The following MRNIP variants were observed in gnomAD, a reference collection of about 807,000 sequenced individuals.
The protein encoded by MRNIP is MRN complex interacting protein.
Under a neutral mutation model 29.8 loss-of-function variants are expected in MRNIP, and 30 were observed. The ratio of observed to expected loss-of-function variants is 1.01; its 90% CI spans 0.75 to 1.36. The LOEUF is 1.36. Among genes scored for constraint, MRNIP ranks in the 40% most tolerant of loss-of-function variants. The probability of loss-of-function intolerance (pLI) is 0.00; values close to 1 mark genes in which losing one functional copy is unlikely to be tolerated. For synonymous variants in MRNIP, 201 were observed against 164.1 expected (o/e 1.23, Z -1.72); for missense variants, 459 against 423.5 (o/e 1.08, Z -0.74).
intron 4 of MRNIP, among the ~76,000 whole-genome samples, chr5:179,843,061 G>GGAA (rs1758977818): frequency 7.1e-6 from 1 of 141,654 alleles, no homozygotes; most frequent in Non-Finnish European, 1.6e-5. Flanking sequence ...AAGGAAGGAA[G>GGAA]GGAGGGAGGG....
chr5:179,842,189 C>T (rs1758909581), intron 4 of MRNIP, 125 bp from the exon 5 acceptor site: 1 of 952,050 alleles, frequency 1.1e-6, no homozygotes, highest in East Asian at 2.4e-5. Flanking sequence ...CTAGGAAAGG[C>T]ACCGGCTGGA....
At chr5:179,856,711 G>C (rs1759597256) in intron 1 of MRNIP, among the ~76,000 whole-genome samples, 1 of 152,224 alleles carries the variant, frequency 6.6e-6, no homozygotes, top group Non-Finnish European at 1.5e-5. Flanking sequence ...GAGCTCAAGT[G>C]ATCTGCCCTA....
At chr5:179,858,360 C>G (rs1346461796) in intron 1 of MRNIP, among the ~76,000 whole-genome samples, 1 of 152,186 alleles carries the variant, frequency 6.6e-6, no homozygotes, top group Non-Finnish European at 1.5e-5. Flanking sequence ...AGGTGTGGAG[C>G]AGGGACGCCG....
chr5:179,842,192 C>T (rs1425716899), intron 4 of MRNIP, 128 bp from the exon 5 acceptor site: 25 of 924,646 alleles, frequency 2.7e-5, no homozygotes, highest in East Asian at 2.4e-4. Flanking sequence ...GGAAAGGCAC[C>T]GGCTGGAAGG....
At chr5:179,850,334 G>C (rs1416140267) in intron 2 of MRNIP, among the ~76,000 whole-genome samples, 2 of 152,156 alleles carry the variant, frequency 1.3e-5, no homozygotes, top group African/African-American at 4.8e-5. Flanking sequence ...TCGCCATCTT[G>C]AAATTCTTAA....
chr5:179,842,516 T>TA (rs768324237), intron 4 of MRNIP, among the ~76,000 whole-genome samples: 16,708 of 130,298 alleles, frequency 0.13, 1,105 homozygotes, highest in Non-Finnish European at 0.15. Flanking sequence ...CCGTCTCTAC[T>TA]AAAAAAAAAA....
intron 3 of MRNIP, 85 bp downstream of exon 3, chr5:179,847,893 G>A: frequency 1.1e-6 from 1 of 937,118 alleles, no homozygotes; most frequent in Non-Finnish European, 1.7e-6. Context: ...AGAGTGCCCA[G>A]CTCAGGATTT....
chr5:179,840,994 C>A, intron 5 of MRNIP, 35 bp from the exon 6 acceptor site: 2 of 1,479,228 alleles, frequency 1.4e-6, no homozygotes, highest in Non-Finnish European at 1.9e-6. Flanking sequence ...TCCCGTGCTA[C>A]TCTCCAGTGG....
At chr5:179,850,962 G>C (rs1759343830) in intron 2 of MRNIP, 1 of 313,768 alleles carries the variant, frequency 3.2e-6, no homozygotes, top group African/African-American at 2.2e-5. Context: ...AATAGAAGCA[G>C]CTCAAGATGG....
Position 179,844,151 on chromosome 5 carries a change from C to T in MRNIP, c.291+1G>A, listed in dbSNP as rs574661690. 1.9e-6 allele frequency: 3 copies of T among 1,614,032 alleles called. No individual in the cohort carries two copies. In the African/African-American group the frequency reaches 4.0e-5, roughly 22 times the overall value. ...CTGGGGCAGGTGGGCCTGAGGCTTA[C>T]CTGCTGCTTCACATTCCCAGCCTGC... On this transcript the variant is annotated splice_donor_variant, in intron 4 of 6. Transcript: ENST00000292586. LOFTEE classifies it high-confidence loss of function.
chr5:179,843,985 C>A (rs1027349811), intron 4 of MRNIP, among the ~76,000 whole-genome samples, 167 bp downstream of exon 4: 15 of 152,182 alleles, frequency 9.9e-5, no homozygotes, highest in Non-Finnish European at 1.6e-4. Context: ...TCCATCCTTA[C>A]AAAAGGTACA....
At chr5:179,841,056 C>G in intron 5 of MRNIP, 97 bp from the exon 6 acceptor site, 2 of 803,384 alleles carry the variant, frequency 2.5e-6, no homozygotes, top group South Asian at 1.6e-5. Context: ...GGGTGGCCAC[C>G]TGCTTGTTCC....
chr5:179,853,609 T>G (rs1391022421), intron 1 of MRNIP, among the ~76,000 whole-genome samples, 172 bp from the exon 2 acceptor site: 2 of 152,012 alleles, frequency 1.3e-5, no homozygotes, highest in African/African-American at 4.8e-5. Context: ...CAGTCTCTAC[T>G]AAAAATACAA....
At chr5:179,844,108 C>T (rs1359646878) in intron 4 of MRNIP, 44 bp downstream of exon 4, 2 of 1,521,448 alleles carry the variant, frequency 1.3e-6, no homozygotes, top group Non-Finnish European at 1.8e-6. Flanking sequence ...TTCATCCCTT[C>T]CCTGACACAG....
chr5:179,857,459 T>A (rs1759641203), intron 1 of MRNIP, among the ~76,000 whole-genome samples: 1 of 151,874 alleles, frequency 6.6e-6, no homozygotes, highest in South Asian at 2.1e-4. Context: ...GACGTGAGAC[T>A]CTGTCTCAAA....
At chr5:179,854,116 G>C (rs1281117315) in intron 1 of MRNIP, among the ~76,000 whole-genome samples, 1 of 150,574 alleles carries the variant, frequency 6.6e-6, no homozygotes, top group Non-Finnish European at 1.5e-5. Context: ...CCCCTCCCGG[G>C]TTCACGCCAT....
chr5:179,844,430 C>T (rs1004283580), intron 3 of MRNIP: 7 of 487,294 alleles, frequency 1.4e-5, no homozygotes, highest in African/African-American at 1.0e-4. Context: ...TGTTTGAACC[C>T]GGAAGGCAGA....
intron 1 of MRNIP, among the ~76,000 whole-genome samples, chr5:179,857,045 C>G (rs941170325): frequency 3.3e-5 from 5 of 152,142 alleles, no homozygotes; most frequent in African/African-American, 1.2e-4. Flanking sequence ...GTGATTGTTA[C>G]CACTGCACTC....
chr5:179,858,627 C>T (rs1759704370), intron 1 of MRNIP, 104 bp downstream of exon 1: 2 of 721,088 alleles, frequency 2.8e-6, no homozygotes, highest in Non-Finnish European at 4.4e-6. Flanking sequence ...CTCCTTCGGG[C>T]CCGGTGCATC....
Sources: allele counts gnomAD v4.1 joint callset (sites outside exome capture counted in the v4.1 genomes callset), GRCh38; gene constraint gnomAD v4.1.1; transcripts MANE v1.5; gene names NCBI Gene and HGNC (gene_info 2026-07-23, HGNC 2026-07-21).